Variants in SNX8 observed in about 807,000 individuals in gnomAD.
The protein encoded by SNX8 is sorting nexin-8.
In SNX8, 25 loss-of-function variants were observed where a neutral mutation model predicts 51.6. That is an observed-to-expected ratio of 0.48 (90% CI 0.35 to 0.68). The LOEUF is 0.68. Among genes scored for constraint, SNX8 ranks in the 30% least tolerant of loss-of-function variants. The pLI, the probability that SNX8 is intolerant of heterozygous loss-of-function variation, is 0.00. For synonymous variants in SNX8, 324 were observed against 277.0 expected, an observed-to-expected ratio of 1.17 and a Z score of -1.68; for missense variants, 695 against 624.0, an observed-to-expected ratio of 1.11 and a Z score of -1.21.
chr7:2,270,314 C>CAAAAAAAAAAAA lies in SNX8; in HGVS notation c.541-687_541-676dup, dbSNP rs57983721. Among the ~76,000 whole-genome samples, 3 of 57,084 alleles carry CAAAAAAAAAAAA rather than the reference C, an allele frequency of 5.3e-5. 1 individual carries two copies. The highest frequency in any genetic ancestry group is 5.7e-5 in the Non-Finnish European group (2 of 35,246). 37.4% of individuals were successfully genotyped at this position (57,084 alleles called of 152,430 possible). ...ATCATCTGACTCAACTCTCATTTTACAAAAAAAAAAAAAAAAAAAAAAAAA... is the reference window on the plus strand; with the variant it reads ...ATCATCTGACTCAACTCTCATTTTACAAAAAAAAAAAAAAAAAAAAAAAAAAAAAAAAAAAAA... On this transcript the variant is annotated intron_variant, in intron 4 of 10. Transcript: ENST00000222990.
intron 1 of SNX8, among the ~76,000 whole-genome samples, chr7:2,281,390 G>C (rs762702613): frequency 1.3e-5 from 2 of 151,658 alleles, no homozygotes; most frequent in Non-Finnish European, 2.9e-5. Flanking sequence ...CTGCACTCCA[G>C]CCTGGGTGAC....
intron 1 of SNX8, among the ~76,000 whole-genome samples, chr7:2,282,024 C>T (rs879019887): frequency 3.9e-5 from 6 of 152,154 alleles, no homozygotes; most frequent in African/African-American, 1.2e-4. Flanking sequence ...CCTGAAATGC[C>T]GCTCACTATC....
At chr7:2,315,917 C>T (rs1028844463), upstream of SNX8, among the ~76,000 whole-genome samples, 27 of 150,442 alleles carry the variant, frequency 1.8e-4, 1 homozygote, top group Non-Finnish European at 1.5e-5. Context: ...CATCCACCCA[C>T]TCACTCACTC....
chr7:2,268,452 G>A (rs1309886900), intron 5 of SNX8, among the ~76,000 whole-genome samples: 4 of 143,936 alleles, frequency 2.8e-5, no homozygotes, highest in African/African-American at 1.0e-4. Context: ...AGGGAGGTGG[G>A]GGGGGTCAGC....
chr7:2,285,345 C>G (rs28568282), intron 1 of SNX8, among the ~76,000 whole-genome samples: 1 of 152,090 alleles, frequency 6.6e-6, no homozygotes, highest in Non-Finnish European at 1.5e-5. Context: ...GCCAAGTTCG[C>G]GCCACTGCAT....
chr7:2,287,735 A>G (rs994994244), intron 1 of SNX8, among the ~76,000 whole-genome samples: 3 of 152,070 alleles, frequency 2.0e-5, no homozygotes, highest in African/African-American at 4.8e-5. Flanking sequence ...CCTGGGCGAC[A>G]GAGTGAGACT....
chr7:2,322,698 GTAAAA>G (rs530697238), intron 1 of SNX8, among the ~76,000 whole-genome samples: 139 of 150,280 alleles, frequency 9.2e-4, no homozygotes, highest in African/African-American at 3.3e-3. Context: ...CATCTCAAAA[GTAAAA>G]TAAAATAGAA....
Position 2,275,212 on chromosome 7 carries a change from T to C in SNX8, c.318A>G (p.Val106=). The C allele has an allele frequency of 1.2e-6, 2 of 1,613,602 alleles. No homozygotes were observed. Among genetic ancestry groups the C allele is most frequent in the Non-Finnish European group, 1.7e-6 (2 of 1,179,510 alleles). ...CCACGAAGTCATTGTACCGTCTGTA[T>C]ACCGAGGACTTGAAGCGCTGCAAGA... ...EVSSQRFKSS[V]YRRYNDFVVF... is the part of the protein sequence containing the mutation. Residue 106 remains valine, a synonymous_variant, in exon 3 of 11, where the codon GTA becomes GTG. Coordinates refer to ENST00000222990, the MANE Select transcript of SNX8 (RefSeq NM_013321.4).
chr7:2,316,509 CCACT>C (rs572856670), upstream of SNX8, among the ~76,000 whole-genome samples: 6 of 138,568 alleles, frequency 4.3e-5, no homozygotes, highest in South Asian at 2.4e-4. Flanking sequence ...ATTCATTCAC[CCACT>C]CACTCACTCA....
intron 1 of SNX8, among the ~76,000 whole-genome samples, chr7:2,309,563 C>G (rs890270674): frequency 6.6e-6 from 1 of 151,868 alleles, no homozygotes; most frequent in South Asian, 2.1e-4. Flanking sequence ...GAAACCCCGT[C>G]TCTACTGAAA....
intron 1 of SNX8, among the ~76,000 whole-genome samples, chr7:2,347,474 C>A (rs1246443249): frequency 1.1e-5 from 1 of 90,540 alleles, no homozygotes; most frequent in African/African-American, 4.4e-5. Flanking sequence ...GAGCAAGATG[C>A]TGTCTCAAAA....
At position 2,252,202 on chromosome 7, in the gene SNX8, A is replaced by C. The variant is rs556448945; in HGVS notation, c.*2854T>G. 25 of 152,036 alleles carry C rather than the reference A, an allele frequency of 1.6e-4. No individual in the cohort carries two copies. Among genetic ancestry groups the C allele is most frequent in the African/African-American group, 5.6e-4 (23 of 41,404 alleles). 9.4% of individuals were successfully genotyped at this position (152,036 alleles called of 1,614,324 possible). A position where few individuals can be genotyped will look rare whatever the true frequency, so the allele number is the denominator to read the frequency against. On this transcript the variant is annotated 3_prime_UTR_variant, in exon 11 of 11. Transcript: ENST00000222990. ...AGGGCAGGCGGCATCTGGCATCTCC[A>C]CCAGCATCACACGCAGCTGTCCCTG...
chr7:2,349,375 GTGTTATATTTTTAAATT>G (rs973958738), intron 1 of SNX8, among the ~76,000 whole-genome samples: 3 of 151,416 alleles, frequency 2.0e-5, no homozygotes, highest in African/African-American at 4.9e-5. Context: ...CCTTTTTTAA[GTGTTATATTTTTAAATT>G]TGTTATATTT....
At chr7:2,258,389 G>A (rs576360418) in intron 7 of SNX8, among the ~76,000 whole-genome samples, 24 of 152,168 alleles carry the variant, frequency 1.6e-4, no homozygotes, top group South Asian at 1.2e-3. Flanking sequence ...TCATCAGCCC[G>A]GCCTGCCTTG....
intron 1 of SNX8, among the ~76,000 whole-genome samples, chr7:2,321,429 T>C (rs1778510673): frequency 6.9e-6 from 1 of 145,976 alleles, no homozygotes; most frequent in Non-Finnish European, 1.5e-5. Flanking sequence ...TGGAATTTCT[T>C]TTTTTTTTTT....
At chr7:2,268,349 T>C (rs1301152830) in intron 5 of SNX8, among the ~76,000 whole-genome samples, 20 of 133,438 alleles carry the variant, frequency 1.5e-4, no homozygotes, top group African/African-American at 4.8e-4. Flanking sequence ...GCCCGGCAGC[T>C]GCCCTGTCTG....
At position 2,332,722 on chromosome 7, in the gene SNX8, T is replaced by TGA. The variant is rs371400352; in HGVS notation, c.-66+21498_-66+21499dup. 7.9e-3 allele frequency among the ~76,000 whole-genome samples: 994 copies of TGA among 125,604 alleles called. 3 individuals carry two copies. Among genetic ancestry groups the TGA allele is most frequent in the South Asian group, 0.017 (65 of 3,938 alleles). The allele number at this position is 125,604 out of a possible 152,430, so 82.4% of individuals were successfully genotyped here. A position where few individuals can be genotyped will look rare whatever the true frequency, so the allele number is the denominator to read the frequency against. On this transcript the variant is annotated intron_variant, in intron 1 of 5. Transcript: ENST00000435336. ...CTATAATGGGACCACTGTACTCCAG[T>TGA]GAGAGAGAGAGAGAGAGAGAAAAGG...
intron 1 of SNX8, among the ~76,000 whole-genome samples, chr7:2,333,563 A>C (rs1193790984): frequency 6.6e-6 from 1 of 152,132 alleles, no homozygotes; most frequent in Non-Finnish European, 1.5e-5. Context: ...ACCTGTCTCT[A>C]AATAAATATG....
intron 1 of SNX8, among the ~76,000 whole-genome samples, chr7:2,308,648 AGAGT>A (rs1796598344): frequency 7.1e-6 from 1 of 141,636 alleles, no homozygotes; most frequent in African/African-American, 2.6e-5. Context: ...CCTGGGCAAC[AGAGT>A]GAGACTCTGT....
Sources: gnomAD v4.1 joint callset for allele counts (sites outside exome capture counted in the v4.1 genomes callset) on GRCh38, gnomAD v4.1.1 for gene constraint, MANE v1.5 for transcripts, NCBI Gene and HGNC (gene_info 2026-07-23, HGNC 2026-07-21) for gene names.